The following PDHX variants were observed in gnomAD, a reference collection of about 807,000 sequenced individuals.
PDHX encodes the protein pyruvate dehydrogenase protein X component, mitochondrial.
Under a neutral mutation model 55.3 loss-of-function variants are expected in PDHX, and 33 were observed. The observed-to-expected ratio is 0.60, with a 90% CI of 0.45 to 0.80. The LOEUF (loss-of-function observed/expected upper bound fraction) is 0.80, where lower values mean the gene tolerates loss of function less well. PDHX is among the 30% of genes least tolerant of loss of function. PDHX has a pLI of 0.00. For missense variants in PDHX, 622 were observed against 619.9 expected (o/e 1.00, Z -0.04); for synonymous variants, 226 against 219.4 (o/e 1.03, Z -0.27).
chr11:34,937,168 G>A (rs1438211979), intron 2 of PDHX, among the ~76,000 whole-genome samples: 3 of 152,154 alleles, frequency 2.0e-5, no homozygotes, highest in Admixed American at 2.0e-4. Context: ...CCTGGTATGA[G>A]GAGATAACTG....
intron 8 of PDHX, among the ~76,000 whole-genome samples, chr11:34,980,935 G>T (rs955455783): frequency 6.6e-6 from 1 of 152,094 alleles, no homozygotes; most frequent in Non-Finnish European, 1.5e-5. Flanking sequence ...ATTTTCACCT[G>T]TGATACAGGG....
chr11:34,925,625 A>G (rs1253177384), intron 1 of PDHX, among the ~76,000 whole-genome samples: 1 of 152,222 alleles, frequency 6.6e-6, no homozygotes, highest in Non-Finnish European at 1.5e-5. Context: ...AAGAAATAAA[A>G]AGCCCTTATA....
chr11:34,916,355 C>G (rs759259296), upstream of PDHX: 2 of 1,578,150 alleles, frequency 1.3e-6, no homozygotes, highest in South Asian at 1.1e-5. Context: ...GCCTGGGATA[C>G]GGCAGCGAGG....
At chr11:34,971,585 T>C (rs180953355) in intron 7 of PDHX, among the ~76,000 whole-genome samples, 13 of 152,324 alleles carry the variant, frequency 8.5e-5, no homozygotes, top group Admixed American at 7.2e-4. Context: ...GTGAATTACA[T>C]TGGTTGATTT....
chr11:34,932,116 TTATG>T (rs1854191993), intron 2 of PDHX, among the ~76,000 whole-genome samples: 1 of 152,236 alleles, frequency 6.6e-6, no homozygotes. Context: ...GATTTATTCT[TTATG>T]TTATGTGAAG....
intron 9 of PDHX, among the ~76,000 whole-genome samples, chr11:34,990,378 C>T (rs1180371187): frequency 7.2e-5 from 11 of 152,278 alleles, no homozygotes; most frequent in Middle Eastern, 3.4e-3. Flanking sequence ...ATAAAACCAA[C>T]GATCCTTCTC....
At chr11:34,943,618 T>C (rs969334544) in intron 2 of PDHX, among the ~76,000 whole-genome samples, 5 of 152,210 alleles carry the variant, frequency 3.3e-5, no homozygotes, top group African/African-American at 1.2e-4. Flanking sequence ...ACTGTAGCTT[T>C]CTCTATGACA....
intron 7 of PDHX, among the ~76,000 whole-genome samples, chr11:34,976,754 T>C (rs1855385929): frequency 6.6e-6 from 1 of 152,138 alleles, no homozygotes; most frequent in Non-Finnish European, 1.5e-5. Flanking sequence ...TGTGGGAGTA[T>C]GCTGAATACA....
intron 6 of PDHX, among the ~76,000 whole-genome samples, chr11:34,968,128 T>C (rs1383404607): frequency 2.6e-5 from 4 of 151,868 alleles, no homozygotes; most frequent in African/African-American, 9.7e-5. Context: ...TAAAATCAGC[T>C]GGATGTGGTA....
chr11:34,977,199 G>A (rs746124), intron 7 of PDHX, among the ~76,000 whole-genome samples: 106,573 of 151,858 alleles, frequency 0.7, 37,582 homozygotes, highest in Middle Eastern at 0.77. Context: ...CTAAAATTCC[G>A]TGATACTTTA....
Position 34,928,466 on chromosome 11 carries a change from CT to C in PDHX, c.161-2924del, listed in dbSNP as rs1206099542. On this transcript the variant is annotated intron_variant, in intron 1 of 10. Transcript: ENST00000227868. ...GAGTTTTTTTTTGCCCACCCCCCTC[CT>C]TTTTTTTTTTTTTCCCCAGAACAAG... is the stretch of plus-strand genomic sequence containing the variant. 9.3e-3 allele frequency among the ~76,000 whole-genome samples: 1,303 copies of C among 139,918 alleles called. 13 individuals are homozygous for C. Among genetic ancestry groups the C allele is most frequent in the African/African-American group, 0.03 (1,148 of 38,340 alleles). 91.8% of individuals were successfully genotyped at this position (139,918 alleles called of 152,430 possible).
chr11:34,945,088 T>G (rs1396836329), intron 2 of PDHX, among the ~76,000 whole-genome samples: 1 of 152,192 alleles, frequency 6.6e-6, no homozygotes, highest in East Asian at 1.9e-4. Flanking sequence ...AAGTTTAGTA[T>G]TATTCAGTAT....
chr11:34,916,237 G>C, upstream of PDHX: 2 of 1,611,608 alleles, frequency 1.2e-6, no homozygotes, highest in Non-Finnish European at 1.7e-6. Flanking sequence ...CCTGCGCGCC[G>C]CATCTCCGGG....
At chr11:34,960,093 G>A (rs1854991648) in intron 4 of PDHX, among the ~76,000 whole-genome samples, 1 of 152,128 alleles carries the variant, frequency 6.6e-6, no homozygotes, top group Non-Finnish European at 1.5e-5. Context: ...AGAAATGATA[G>A]AACAAAATAT....
At chr11:34,991,705 T>C (rs1489600786) in intron 9 of PDHX, among the ~76,000 whole-genome samples, 1 of 151,946 alleles carries the variant, frequency 6.6e-6, no homozygotes, top group Non-Finnish European at 1.5e-5. Context: ...GTTCAGGAGT[T>C]GGAGACCAGC....
upstream of PDHX, chr11:34,916,386 C>G: frequency 6.5e-7 from 1 of 1,547,146 alleles, no homozygotes; most frequent in Non-Finnish European, 8.7e-7. Flanking sequence ...AATCAGGCGG[C>G]GCTGAGGGCA....
chr11:34,936,387 T>A (rs1241754774), intron 2 of PDHX, among the ~76,000 whole-genome samples: 3 of 152,156 alleles, frequency 2.0e-5, no homozygotes, highest in Non-Finnish European at 4.4e-5. Context: ...GGAATAGAAC[T>A]GCAGTGCTGT....
At chr11:34,954,562 T>G (rs1854861209) in intron 3 of PDHX, among the ~76,000 whole-genome samples, 2 of 152,214 alleles carry the variant, frequency 1.3e-5, no homozygotes, top group African/African-American at 2.4e-5. Flanking sequence ...TATGTTGATG[T>G]TTGCCCTTTA....
In PDHX at chr11:34,995,444, A is replaced by G. The variant is rs1590777784; in HGVS notation, c.*272A>G. 3 of 404,506 alleles carry G rather than the reference A, an allele frequency of 7.4e-6. No individual in the cohort carries two copies. Among genetic ancestry groups the G allele is most frequent in the South Asian group, 2.2e-5 (1 of 44,510 alleles). 25.1% of individuals were successfully genotyped at this position (404,506 alleles called of 1,614,324 possible). The stretch of plus-strand genomic sequence containing the variant: ...ACCTCTGGTGCTGTATAAAGGGAAT[A>G]TTAAACTAGATGTAAATCAAAGTAT... On this transcript the variant is annotated 3_prime_UTR_variant, in exon 11 of 11. Transcript: ENST00000227868.
Sources: gnomAD v4.1 joint callset for allele counts (sites outside exome capture counted in the v4.1 genomes callset) on GRCh38, gnomAD v4.1.1 for gene constraint, MANE v1.5 for transcripts, NCBI Gene and HGNC (gene_info 2026-07-23, HGNC 2026-07-21) for gene names.